ACIN1: variants seen among roughly 807,000 people sequenced by gnomAD.
ACIN1 encodes the protein apoptotic chromatin condensation inducer in the nucleus.
A neutral mutation model predicts 146.6 loss-of-function variants in ACIN1; 16 were observed. That is an observed-to-expected ratio of 0.11 (90% CI 0.07 to 0.17). The LOEUF (loss-of-function observed/expected upper bound fraction) is 0.17, where lower values mean the gene tolerates loss of function less well. Ranked by LOEUF, ACIN1 falls within the 10% of genes least tolerant of loss-of-function variation. The probability of loss-of-function intolerance (pLI) is 1.00; values close to 1 mark genes in which losing one functional copy is unlikely to be tolerated. For synonymous variants in ACIN1, 569 were observed against 582.7 expected (o/e 0.98, Z 0.34); for missense variants, 1,357 against 1,609.3 (o/e 0.84, Z 2.68).
chr14:23,063,048 G>A lies in ACIN1; in HGVS notation c.2764C>T (p.Arg922Cys), dbSNP rs2047337189. The change falls in exon 14 of 19, where the codon CGT (arginine) becomes TGT (cysteine). Residue 922 changes from arginine to cysteine, a missense_variant. Coordinates refer to ENST00000605057, the MANE Select transcript of ACIN1 (RefSeq NM_001386863.1). ...KVTLGDTLTR[R>C]SISQQKSGVS... ...CCGGACTTCTGCTGGCTAATGGAAC[G>A]TCGAGTTAAGGTATCTCCTAAAGTC... The A allele has an allele frequency of 6.2e-7, 1 of 1,613,224 alleles. No individual in the cohort carries two copies. Among genetic ancestry groups the A allele is most frequent in the Non-Finnish European group, 8.5e-7 (1 of 1,179,748 alleles).
chr14:23,062,536 A>T lies in ACIN1; in HGVS notation c.2884-13T>A. ...TGAAAGGACGGACCTGCCAATGAAAATAGACTTTCAGGGTCTAGCAGAAGG... is the reference window on the plus strand; with the variant it reads ...TGAAAGGACGGACCTGCCAATGAAATTAGACTTTCAGGGTCTAGCAGAAGG... On this transcript the variant is annotated splice_polypyrimidine_tract_variant and intron_variant, in intron 14 of 18. Transcript: ENST00000605057. 1 of 1,612,584 alleles carries T rather than the reference A, an allele frequency of 6.2e-7. No homozygotes were observed. Among genetic ancestry groups the T allele is most frequent in the East Asian group, 2.2e-5 (1 of 44,874 alleles).
chr14:23,061,700 G>C, intron 16 of ACIN1, 78 bp from the exon 17 acceptor site: 2 of 1,330,198 alleles, frequency 1.5e-6, no homozygotes, highest in Non-Finnish European at 1.0e-6. Context: ...ATGGCCGGGC[G>C]CGGTGGCTCA....
rs143105970 is a variant in ACIN1, at chr14:23,080,018, C to T, written c.1317G>A (p.Glu439=). 22 of 1,614,052 alleles carry T rather than the reference C, an allele frequency of 1.4e-5. No homozygotes were observed. The highest frequency in any genetic ancestry group is 1.7e-5 in the Non-Finnish European group (20 of 1,180,050). ...KAESPAEKVP[E]ESVLPLVQKS... is the part of the protein sequence containing the mutation. ...TCTGAACCAGAGGCAGGACACTCTCCTCTGGCACTTTCTCTGCTGGAGATT... is the reference window on the plus strand; with the variant it reads ...TCTGAACCAGAGGCAGGACACTCTCTTCTGGCACTTTCTCTGCTGGAGATT... Residue 439 remains glutamate, a synonymous_variant, in exon 6 of 19, where the codon GAG becomes GAA. Coordinates refer to ENST00000605057, the MANE Select transcript of ACIN1 (RefSeq NM_001386863.1).
At chr14:23,062,724 C>G (rs752856635) in intron 14 of ACIN1, 1 of 763,924 alleles carries the variant, frequency 1.3e-6, no homozygotes, top group East Asian at 2.7e-5. Flanking sequence ...AGGCCTTCTG[C>G]AAGTCCTCAA....
intron 4 of ACIN1, among the ~76,000 whole-genome samples, chr14:23,085,187 T>C (rs944425909): frequency 2.6e-5 from 4 of 151,164 alleles, no homozygotes; most frequent in Non-Finnish European, 5.9e-5. Flanking sequence ...AAAAAAAAAT[T>C]AGTCGGGTGT....
intron 9 of ACIN1, chr14:23,069,068 T>C (rs1594754204): frequency 2.0e-6 from 2 of 989,596 alleles, no homozygotes; most frequent in East Asian, 1.1e-4. Flanking sequence ...GCTGGTCTGG[T>C]GAGAACCACC....
chr14:23,080,693 T>C lies in ACIN1; in HGVS notation c.642A>G (p.Glu214=), dbSNP rs1566750930. The change falls in exon 6 of 19, where the codon GAA becomes GAG. Residue 214 remains glutamate (E), a synonymous_variant. Transcript: ENST00000605057. ...CTTCCTCCTCCTCCTCCTCCTCTTC[T>C]TCCTCCTCTGTTTTCAAATTTCGAT... ...RADRNLKTEE[E]EEEEEEEEED... 3.4e-5 allele frequency: 55 copies of C among 1,613,708 alleles called. No homozygotes were observed. The highest frequency in any genetic ancestry group is 4.1e-5 in the Non-Finnish European group (48 of 1,179,912).
rs958087332 is a variant in ACIN1, at chr14:23,092,453, T to C, written c.204+1026A>G. Among the ~76,000 whole-genome samples the C allele has an allele frequency of 4.6e-5, 7 of 152,230 alleles. No individual in the cohort carries two copies. The East Asian group carries it at 5.8e-4, about 13-fold the overall frequency. ...GAATACAATTAAGCTGATTAACTTA[T>C]GCAGTTTCTTATGCTTGTTAAAGTA... On this transcript the variant is annotated intron_variant, in intron 2 of 18. Coordinates refer to ENST00000605057, the MANE Select transcript of ACIN1 (RefSeq NM_001386863.1).
chr14:23,079,781 T>C lies in ACIN1; in HGVS notation c.1554A>G (p.Ser518=). ...PSHRLKQSAD[S]SSSRSSSSSS... ...AAGATGAGGAGGACCGGCTAGAGGA[T>C]GAATCAGCTGACTGTTTCAATCTGT... The change falls in exon 6 of 19, where the codon TCA becomes TCG. Residue 518 remains serine (S), a synonymous_variant. Transcript: ENST00000605057. 6.2e-7 allele frequency: 1 copy of C among 1,614,182 alleles called. No homozygotes were observed. The highest frequency in any genetic ancestry group is 8.5e-7 in the Non-Finnish European group (1 of 1,180,014).
chr14:23,081,886 C>T, intron 4 of ACIN1, 50 bp from the exon 5 acceptor site: 4 of 1,465,440 alleles, frequency 2.7e-6, no homozygotes, highest in Non-Finnish European at 3.7e-6. Context: ...AAGACTCATT[C>T]ATGGCTTTTT....
At chr14:23,072,010 A>T (rs908750562) in intron 8 of ACIN1, among the ~76,000 whole-genome samples, 1 of 152,212 alleles carries the variant, frequency 6.6e-6, no homozygotes, top group Non-Finnish European at 1.5e-5. Context: ...ACCATCCTCT[A>T]TCCAGTAATC....
Position 23,059,246 on chromosome 14 carries a change from G to A in ACIN1, c.3754C>T (p.Arg1252Ter). 2 of 1,613,152 alleles carry A rather than the reference G, an allele frequency of 1.2e-6. No homozygotes were observed. The highest frequency in any genetic ancestry group is 1.7e-6 in the Non-Finnish European group (2 of 1,179,394). ...CGATCCCTTTCCCTGCCTCGTTCTC[G>A]GTCCCTTTCCCTATCCCGATCTCGG... is the stretch of plus-strand genomic sequence containing the variant. ...GDRDRDRERD[R>*]ERGRERDRRD... Residue 1252 changes from arginine to a stop codon, truncating the protein, a stop_gained, in exon 19 of 19, where the codon CGA becomes TGA. Coordinates refer to ENST00000605057, the MANE Select transcript of ACIN1 (RefSeq NM_001386863.1). LOFTEE classifies it high-confidence loss of function.
rs2047182200 is a variant in ACIN1, at chr14:23,059,056, G to A, written c.*92C>T. On this transcript the variant is annotated 3_prime_UTR_variant, in exon 19 of 19. Coordinates refer to ENST00000605057, the MANE Select transcript of ACIN1 (RefSeq NM_001386863.1). ...GGATAGGTGATGTGAAAGACCCTTG[G>A]CTCCAGGGTGGTGGAGACTGTGCCT... is the stretch of plus-strand genomic sequence containing the variant. 2 of 1,234,632 alleles carry A rather than the reference G, an allele frequency of 1.6e-6. No homozygotes were observed. The highest frequency in any genetic ancestry group is 3.0e-5 in the African/African-American group (2 of 66,740). The allele number at this position is 1,234,632 out of a possible 1,614,324, so 76.5% of individuals were successfully genotyped here. A position where few individuals can be genotyped will look rare whatever the true frequency, so the allele number is the denominator to read the frequency against.
chr14:23,059,177 G>T lies in ACIN1; in HGVS notation c.3823C>A (p.Pro1275Thr). The T allele has an allele frequency of 3.1e-6, 5 of 1,614,012 alleles. No individual in the cohort carries two copies. The highest frequency in any genetic ancestry group is 4.2e-6 in the Non-Finnish European group (5 of 1,180,000). The change falls in exon 19 of 19, where the codon CCT becomes ACT. Residue 1275 changes from proline to threonine, a missense_variant. Physicochemically the swap from Pro to Thr is conservative, Grantham distance 38. Around this residue, in one of 4 missense-constraint regions of ACIN1, gnomAD observed 509 missense variants for 719.6 expected, o/e 0.71. Transcript: ENST00000605057. The part of the protein sequence containing the change: ...RHSRSRSRST[P>T]VRDRGGRR ...CGGCGCCCACCCCGGTCCCGCACAG[G>T]TGTGCTCCGACTCCGGCTTCTGCTG...
At chr14:23,069,101 G>C in intron 9 of ACIN1, 1 of 996,202 alleles carries the variant, frequency 1.0e-6, no homozygotes, top group Non-Finnish European at 1.2e-6. Flanking sequence ...ATGGCGTTGG[G>C]CTCCATCAGG....
chr14:23,070,676 G>T (rs561366456), intron 8 of ACIN1, among the ~76,000 whole-genome samples: 1 of 152,196 alleles, frequency 6.6e-6, no homozygotes, highest in Non-Finnish European at 1.5e-5. Flanking sequence ...AAATCAAGAT[G>T]ATCAGAGGCC....
At chr14:23,091,819 T>TATACTATACAGCC (rs1212260718) in intron 2 of ACIN1, among the ~76,000 whole-genome samples, 16 of 152,114 alleles carry the variant, frequency 1.1e-4, no homozygotes, top group Non-Finnish European at 1.3e-4. Context: ...AGACGGGGTT[T>TATACTATACAGCC]TGCCATGTTG....
intron 2 of ACIN1, 91 bp from the exon 3 acceptor site, chr14:23,090,724 A>C (rs562593091): frequency 1.5e-4 from 138 of 921,760 alleles, no homozygotes; most frequent in Middle Eastern, 1.4e-3. Context: ...TCCACTCCTT[A>C]TAGTTGCGCC....
intron 10 of ACIN1, among the ~76,000 whole-genome samples, chr14:23,064,896 CAA>C (rs55914303): frequency 1.7e-5 from 2 of 116,502 alleles, no homozygotes; most frequent in Non-Finnish European, 1.7e-5. Flanking sequence ...GACTCCGTCT[CAA>C]AAAAAAAAAA....
Sources: allele counts gnomAD v4.1 joint callset (sites outside exome capture counted in the v4.1 genomes callset), GRCh38; gene constraint gnomAD v4.1.1; regional missense constraint gnomAD v4.1.1; transcripts MANE v1.5; gene names NCBI Gene and HGNC (gene_info 2026-07-23, HGNC 2026-07-21).